Variants in ODF2L observed in about 807,000 individuals in gnomAD.
ODF2L encodes the protein protein BCAP.
In ODF2L, 76 loss-of-function variants were observed where a neutral mutation model predicts 86.3. That is an observed-to-expected ratio of 0.88 (90% CI 0.73 to 1.07). The LOEUF is 1.07. Ranked by LOEUF, ODF2L falls within the 50% of genes least tolerant of loss-of-function variation. The pLI is 0.00. For missense variants in ODF2L, 748 were observed against 717.4 expected (o/e 1.04, Z -0.49); for synonymous variants, 241 against 231.3 (o/e 1.04, Z -0.38).
intron 7 of ODF2L, among the ~76,000 whole-genome samples, chr1:86,377,916 T>C (rs1660289918): frequency 6.6e-6 from 1 of 152,240 alleles, no homozygotes; most frequent in Non-Finnish European, 1.5e-5. Context: ...TTTATGCCAA[T>C]TTATGCAGAC....
At chr1:86,386,642 C>G in intron 2 of ODF2L, 1 of 328,626 alleles carries the variant, frequency 3.0e-6, no homozygotes, top group Non-Finnish European at 5.4e-6. Context: ...CCTGCCTCAT[C>G]CTCCCAAAGT....
exon 18 of ODF2L, chr1:86,350,754 C>T (rs1658074750): frequency 6.6e-6 from 1 of 152,200 alleles, no homozygotes; most frequent in East Asian, 1.9e-4. Flanking sequence ...ACATCCTCTC[C>T]AGCATCTGTT....
chr1:86,395,908 AG>A (rs1374030054), intron 1 of ODF2L, 124 bp downstream of exon 1: 1 of 152,124 alleles, frequency 6.6e-6, no homozygotes, highest in African/African-American at 2.4e-5. Flanking sequence ...GGTGGGCGCG[AG>A]GGCCTTTTAC....
intron 6 of ODF2L, 150 bp from the exon 7 acceptor site, chr1:86,382,508 C>T: frequency 1.5e-6 from 2 of 1,326,586 alleles, no homozygotes; most frequent in Non-Finnish European, 2.0e-6. Flanking sequence ...GCCCCTATTA[C>T]AAATGTATTT....
Position 86,357,907 on chromosome 1 carries a change from C to G in ODF2L, c.1359+880G>C, listed in dbSNP as rs1385302664. 4.1e-6 allele frequency: 4 copies of G among 984,892 alleles called. No homozygotes were observed. The East Asian group carries it at 4.5e-4, about 112-fold the overall frequency. 61.0% of individuals were successfully genotyped at this position (984,892 alleles called of 1,614,324 possible). ...CCTAGCAGAAAAGGAGACATTTGCA[C>G]TGGTATGTTTCATGAGAAAATGAGA... On this transcript the variant is annotated intron_variant, in intron 13 of 17. Coordinates refer to ENST00000317336, the Ensembl canonical transcript of ODF2L.
Position 86,373,620 on chromosome 1 carries a change from A to G in ODF2L, c.811-1080T>C, listed in dbSNP as rs1368346582. 2.0e-5 allele frequency among the ~76,000 whole-genome samples: 3 copies of G among 151,932 alleles called. No individual in the cohort carries two copies. The East Asian group carries it at 5.8e-4, about 29-fold the overall frequency. ...ATGTTGCCCAGGCTGGTCTTGAATT[A>G]ATTTCATGCTCTATAGAGAGAAGAT... On this transcript the variant is annotated intron_variant, in intron 8 of 17. Coordinates refer to ENST00000317336, the Ensembl canonical transcript of ODF2L.
At chr1:86,352,216 A>G in intron 17 of ODF2L, 1 of 1,504,638 alleles carries the variant, frequency 6.6e-7, no homozygotes, top group Non-Finnish European at 8.9e-7. Context: ...ATCCTGGAAA[A>G]AACACAGTAT....
chr1:86,359,960 A>G (rs1658915140), intron 12 of ODF2L, among the ~76,000 whole-genome samples: 1 of 152,216 alleles, frequency 6.6e-6, no homozygotes, highest in Non-Finnish European at 1.5e-5. Context: ...TTACCATTGA[A>G]CACATGGTCT....
At chr1:86,393,653 C>G (rs1661494229) in intron 1 of ODF2L, among the ~76,000 whole-genome samples, 1 of 152,192 alleles carries the variant, frequency 6.6e-6, no homozygotes, top group African/African-American at 2.4e-5. Context: ...ATTCCATTTC[C>G]TTCTCAAAGT....
intron 1 of ODF2L, among the ~76,000 whole-genome samples, chr1:86,395,709 T>A (rs1661689312): frequency 6.6e-6 from 1 of 152,168 alleles, no homozygotes; most frequent in African/African-American, 2.4e-5. Context: ...AGGTCACTAT[T>A]TCTGAAAGAA....
downstream of ODF2L, chr1:86,348,863 C>T (rs773194222): frequency 6.5e-7 from 1 of 1,549,400 alleles, no homozygotes; most frequent in Non-Finnish European, 8.6e-7. Context: ...AAACACACTT[C>T]CTGATGTTGT....
chr1:86,384,678 G>T, exon 4 of ODF2L: 1 of 1,466,710 alleles, frequency 6.8e-7, no homozygotes, highest in Non-Finnish European at 9.0e-7. Context: ...TGCCTTACTT[G>T]TTTGTAGTCT....
chr1:86,372,102 T>C (rs1183559852), intron 9 of ODF2L, among the ~76,000 whole-genome samples: 2 of 149,732 alleles, frequency 1.3e-5, no homozygotes. Flanking sequence ...AACAGGAAAA[T>C]CACTTGAACC....
intron 1 of ODF2L, among the ~76,000 whole-genome samples, chr1:86,394,370 C>A (rs1424701548): frequency 6.7e-6 from 1 of 149,702 alleles, no homozygotes; most frequent in African/African-American, 2.5e-5. Context: ...GAGCCGAGAT[C>A]GCGCCACTGC....
chr1:86,357,681 TA>T (rs1658693119), intron 13 of ODF2L: 1 of 906,108 alleles, frequency 1.1e-6, no homozygotes, highest in African/African-American at 1.8e-5. Context: ...TCAGTGTCCT[TA>T]AAACATCTTA....
chr1:86,370,930 T>C, intron 10 of ODF2L, 88 bp downstream of exon 10: 5 of 818,280 alleles, frequency 6.1e-6, no homozygotes, highest in Non-Finnish European at 9.0e-6. Flanking sequence ...AGCACTGCTC[T>C]AAACATACTC....
At chr1:86,353,332 G>A (rs1299613473) in intron 16 of ODF2L, among the ~76,000 whole-genome samples, 1 of 152,108 alleles carries the variant, frequency 6.6e-6, no homozygotes, top group Admixed American at 6.5e-5. Context: ...AGCAGTGATG[G>A]AACATAGAAA....
At chr1:86,388,795 A>C (rs1558064724) in intron 1 of ODF2L, among the ~76,000 whole-genome samples, 3 of 152,160 alleles carry the variant, frequency 2.0e-5, no homozygotes, top group Non-Finnish European at 1.5e-5. Flanking sequence ...TTTCTGCTTC[A>C]TCACCTATAA....
chr1:86,366,391 T>TACACACACACACACACAC (rs71643841), intron 11 of ODF2L, among the ~76,000 whole-genome samples: 3 of 119,360 alleles, frequency 2.5e-5, no homozygotes, highest in Admixed American at 8.6e-5. Context: ...AGACCCCACC[T>TACACACACACACACACAC]ACACACACAC....
Sources: gnomAD v4.1 joint callset for allele counts (sites outside exome capture counted in the v4.1 genomes callset) on GRCh38, gnomAD v4.1.1 for gene constraint, MANE v1.5 for transcripts, NCBI Gene and HGNC (gene_info 2026-07-23, HGNC 2026-07-21) for gene names.